Variants in DPRX observed in about 807,000 individuals in gnomAD.
DPRX encodes the protein divergent paired-related homeobox.
A neutral mutation model predicts 8.4 loss-of-function variants in DPRX; 11 were observed. The ratio of observed to expected loss-of-function variants is 1.31; its 90% CI spans 0.82 to 2.17. The LOEUF (loss-of-function observed/expected upper bound fraction) is 2.17. DPRX is among the 30% of genes most tolerant of loss of function. The probability of loss-of-function intolerance (pLI) is 0.00; values close to 1 mark genes in which losing one functional copy is unlikely to be tolerated. For missense variants in DPRX, 211 were observed against 236.7 expected, an observed-to-expected ratio of 0.89 and a Z score of 0.71; for synonymous variants, 72 against 87.0, an observed-to-expected ratio of 0.83 and a Z score of 0.96.
the DPRX span, among the ~76,000 whole-genome samples, chr19:53,610,709 A>G: frequency 3.3e-5 from 5 of 152,226 alleles, no homozygotes; most frequent in South Asian, 2.1e-4. Context: ...AAATTCAGAA[A>G]CTTTCTTAAA....
the DPRX span, among the ~76,000 whole-genome samples, chr19:53,620,222 A>C: frequency 6.6e-6 from 1 of 151,866 alleles, no homozygotes. Context: ...GGCACCTGCC[A>C]CCTTGCCCGG....
chr19:53,621,826 C>G, the DPRX span, among the ~76,000 whole-genome samples: 2 of 152,080 alleles, frequency 1.3e-5, no homozygotes, highest in African/African-American at 4.8e-5. Flanking sequence ...AAAATAGTTT[C>G]TGCACATTCT....
At chr19:53,630,397 CAAAAA>C, upstream of DPRX, among the ~76,000 whole-genome samples, 1 of 151,804 alleles carries the variant, frequency 6.6e-6, no homozygotes, top group Non-Finnish European at 1.5e-5. Flanking sequence ...ACAAAAAATG[CAAAAA>C]TTAGCTGGGT....
chr19:53,603,618 C>A, the DPRX span: 1 of 280,538 alleles, frequency 3.6e-6, no homozygotes, highest in South Asian at 3.5e-5. Flanking sequence ...GCCTAATACA[C>A]CCACGGTAGC....
upstream of DPRX, among the ~76,000 whole-genome samples, chr19:53,628,633 G>A (rs948761773): frequency 3.3e-5 from 5 of 151,020 alleles, no homozygotes; most frequent in Non-Finnish European, 7.4e-5. Context: ...CTTCTTGCCC[G>A]GGCAGGAGGG....
the DPRX span, among the ~76,000 whole-genome samples, chr19:53,602,994 T>C: frequency 6.8e-6 from 1 of 146,910 alleles, no homozygotes; most frequent in African/African-American, 2.5e-5. Context: ...TATTTGTGTG[T>C]GTATATGTAT....
intron 2 of DPRX, among the ~76,000 whole-genome samples, chr19:53,636,305 G>T (rs1215080240): frequency 6.6e-6 from 1 of 151,942 alleles, no homozygotes. Flanking sequence ...GGCGGAGGTT[G>T]CAGTGAGCCG....
chr19:53,605,440 G>C, the DPRX span, among the ~76,000 whole-genome samples: 1 of 150,086 alleles, frequency 6.7e-6, no homozygotes, highest in African/African-American at 2.5e-5. Flanking sequence ...GCAGTGGCGC[G>C]ATCTTAGCTC....
At chr19:53,634,780 C>A in intron 2 of DPRX, 95 bp downstream of exon 2, 2 of 1,466,990 alleles carry the variant, frequency 1.4e-6, no homozygotes, top group Admixed American at 2.2e-5. Flanking sequence ...TCATTCCAAT[C>A]GCCAATATTC....
chr19:53,616,183 C>T, the DPRX span, among the ~76,000 whole-genome samples: 263 of 151,796 alleles, frequency 1.7e-3, no homozygotes, highest in African/African-American at 6.1e-3. Flanking sequence ...ATCCAGGAGG[C>T]GGAGGTTGCA....
chr19:53,623,902 A>G, the DPRX span, among the ~76,000 whole-genome samples: 44,964 of 151,082 alleles, frequency 0.3, 7,404 homozygotes, highest in Admixed American at 0.46. Flanking sequence ...GTGAGCCAAG[A>G]TTGCGCCATT....
chr19:53,601,328 CAT>C, the DPRX span: 3 of 456,650 alleles, frequency 6.6e-6, no homozygotes, highest in African/African-American at 2.0e-5. Flanking sequence ...ATCAGGTAAA[CAT>C]GTGCAGAGAT....
chr19:53,614,582 G>A, the DPRX span, among the ~76,000 whole-genome samples: 1 of 151,892 alleles, frequency 6.6e-6, no homozygotes. Flanking sequence ...AACAGAAGTC[G>A]TTAATTTTAT....
At chr19:53,606,665 G>C in the DPRX span, 1 of 152,014 alleles carries the variant, frequency 6.6e-6, no homozygotes, top group Middle Eastern at 3.4e-3. This position sits in a 1 kb window ranked among gnomAD's most constrained non-coding sequence, Gnocchi z 4.8. Context: ...AGGGTGGAGG[G>C]CTTCTTCTCC....
At chr19:53,634,923 A>C (rs1297355785) in intron 2 of DPRX, among the ~76,000 whole-genome samples, 1 of 152,166 alleles carries the variant, frequency 6.6e-6, no homozygotes, top group Non-Finnish European at 1.5e-5. Flanking sequence ...CCGTCTCTCT[A>C]GCAACTATTT....
chr19:53,614,398 A>G, the DPRX span, among the ~76,000 whole-genome samples: 1 of 152,176 alleles, frequency 6.6e-6, no homozygotes, highest in South Asian at 2.1e-4. Context: ...TGGGTGAAAG[A>G]GGAAGAAGAC....
At chr19:53,623,033 C>T in the DPRX span, among the ~76,000 whole-genome samples, 1 of 152,024 alleles carries the variant, frequency 6.6e-6, no homozygotes, top group Non-Finnish European at 1.5e-5. Context: ...GGGCCAAGCC[C>T]GGTGGCTCAC....
the DPRX span, among the ~76,000 whole-genome samples, chr19:53,612,716 A>C: frequency 1.3e-5 from 2 of 152,144 alleles, no homozygotes; most frequent in Non-Finnish European, 2.9e-5. Context: ...CAAAAAGAAA[A>C]AAAGAAAAAA....
At chr19:53,634,201 C>T (rs1281382208) in intron 1 of DPRX, among the ~76,000 whole-genome samples, 2 of 151,978 alleles carry the variant, frequency 1.3e-5, no homozygotes, top group Admixed American at 6.6e-5. Context: ...GAGGCCGAGG[C>T]GGGTGGATCA....
Sources: gnomAD v4.1 joint callset for allele counts (sites outside exome capture counted in the v4.1 genomes callset) on GRCh38, gnomAD v4.1.1 for gene constraint, Gnocchi (gnomAD v3.1) non-coding constraint, MANE v1.5 for transcripts, NCBI Gene and HGNC (gene_info 2026-07-23, HGNC 2026-07-21) for gene names.